PDE11A: variants seen among roughly 807,000 people sequenced by gnomAD.
PDE11A encodes dual 3',5'-cyclic-AMP and -GMP phosphodiesterase 11A.
In PDE11A, 100 loss-of-function variants were observed where a neutral mutation model predicts 100.5. The observed-to-expected ratio is 1.00, with a 90% CI of 0.85 to 1.18. The LOEUF (loss-of-function observed/expected upper bound fraction) is 1.18. Ranked by LOEUF, PDE11A falls within the 50% of genes most tolerant of loss-of-function variation. The pLI is 0.00. For synonymous variants in PDE11A, 381 were observed against 420.8 expected (o/e 0.91, Z 1.16); for missense variants, 1,141 against 1,152.6 (o/e 0.99, Z 0.15).
intron 5 of PDE11A, among the ~76,000 whole-genome samples, chr2:177,841,717 C>G (rs973572674): frequency 3.3e-5 from 5 of 152,160 alleles, no homozygotes; most frequent in African/African-American, 1.2e-4. Context: ...TCCCTTATTG[C>G]ATATTAAACA....
In PDE11A at chr2:178,078,587, C is replaced by T. The variant is rs145077379; in HGVS notation, c.162+25715G>A. Among the ~76,000 whole-genome samples the T allele has an allele frequency of 8.8e-3, 1,338 of 152,056 alleles. 11 individuals are homozygous for T. Among genetic ancestry groups the T allele is most frequent in the Non-Finnish European group, 0.015 (1,035 of 67,984 alleles). On this transcript the variant is annotated intron_variant, in intron 2 of 20. Coordinates refer to the PDE11A transcript ENST00000358450. ...CAGAAAAATGAGCTTCAATGTCATG[C>T]CATAAATGTTTTACATATTTTCTTC...
chr2:177,792,591 T>C (rs964937542), intron 9 of PDE11A, among the ~76,000 whole-genome samples: 2 of 152,122 alleles, frequency 1.3e-5, no homozygotes, highest in African/African-American at 4.8e-5. Context: ...TGGGAGCTCC[T>C]GAAGTAAAAG....
At chr2:177,711,986 G>A in intron 12 of PDE11A, 108 bp from the exon 13 acceptor site, 1 of 670,136 alleles carries the variant, frequency 1.5e-6, no homozygotes, top group South Asian at 1.7e-5. Context: ...ATCATTTAAG[G>A]AGATGATTAA....
At chr2:178,095,408 T>C (rs2087475347) in intron 2 of PDE11A, among the ~76,000 whole-genome samples, 1 of 152,232 alleles carries the variant, frequency 6.6e-6, no homozygotes, top group Non-Finnish European at 1.5e-5. Flanking sequence ...TGGGTCACGC[T>C]GATGCAAGAG....
intron 2 of PDE11A, among the ~76,000 whole-genome samples, chr2:177,935,003 A>G (rs1559013597): frequency 6.6e-6 from 1 of 152,166 alleles, no homozygotes; most frequent in Non-Finnish European, 1.5e-5. Flanking sequence ...GTTGAGTACT[A>G]TGCTCAGTAC....
At chr2:177,810,924 G>A (rs2082940421) in intron 9 of PDE11A, among the ~76,000 whole-genome samples, 1 of 152,064 alleles carries the variant, frequency 6.6e-6, no homozygotes, top group South Asian at 2.1e-4. Flanking sequence ...AAAGAGGCTT[G>A]GATCCTGATA....
At chr2:177,813,958 AAGG>A (rs10534752) in intron 9 of PDE11A, among the ~76,000 whole-genome samples, 60,474 of 151,650 alleles carry the variant, frequency 0.4, 14,850 homozygotes, top group East Asian at 0.6. Flanking sequence ...GAGACAACAC[AAGG>A]AGAAGAGGAA....
At chr2:178,049,309 A>G (rs1337250142) in intron 1 of PDE11A, among the ~76,000 whole-genome samples, 1 of 152,210 alleles carries the variant, frequency 6.6e-6, no homozygotes, top group Non-Finnish European at 1.5e-5. Flanking sequence ...TAGGTGAATA[A>G]AAGAAAGTAA....
chr2:177,709,629 T>C (rs544356823), intron 13 of PDE11A, among the ~76,000 whole-genome samples: 1 of 152,050 alleles, frequency 6.6e-6, no homozygotes, highest in African/African-American at 2.4e-5. Flanking sequence ...GCCTGAAGGA[T>C]CGTGAAGAGT....
intron 2 of PDE11A, among the ~76,000 whole-genome samples, chr2:177,953,434 A>C (rs2085527282): frequency 6.6e-6 from 1 of 152,182 alleles, no homozygotes; most frequent in Non-Finnish European, 1.5e-5. Flanking sequence ...TGAATATCAT[A>C]ATGTTTTAAA....
At chr2:177,966,292 T>C (rs896275088) in intron 2 of PDE11A, among the ~76,000 whole-genome samples, 1 of 152,158 alleles carries the variant, frequency 6.6e-6, no homozygotes, top group Non-Finnish European at 1.5e-5. Context: ...TAAAATCATA[T>C]CATCTGGGAA....
rs149712935 is a variant in PDE11A, at chr2:177,663,361, T to C, written c.2646+505A>G. On this transcript the variant is annotated intron_variant, in intron 19 of 19. Coordinates refer to ENST00000286063, the MANE Select transcript of PDE11A (RefSeq NM_016953.4). ...GGAAGGTGCGTCACAAAACCCCCTG[T>C]ATCAGACCATGGGGTCAGAGCCGAA... Among the ~76,000 whole-genome samples the C allele has an allele frequency of 1.7e-4, 25 of 150,652 alleles. 1 individual carries two copies. The East Asian group carries it at 4.8e-3, about 29-fold the overall frequency.
Position 177,722,619 on chromosome 2 carries a change from A to AT in PDE11A, c.2043+5038_2043+5039insA, listed in dbSNP as rs2081547033. On this transcript the variant is annotated intron_variant, in intron 12 of 19. Coordinates refer to ENST00000286063, the MANE Select transcript of PDE11A (RefSeq NM_016953.4). Reference sequence around the variant, plus strand: ...CTTTTTTAAATGATTAAAAGACAGGAGTCTTAAATGTAATTTAAACACAGT... The same window carrying AT: ...CTTTTTTAAATGATTAAAAGACAGGATGTCTTAAATGTAATTTAAACACAGT... Among the ~76,000 whole-genome samples, 8 of 152,200 alleles carry AT rather than the reference A, an allele frequency of 5.3e-5. No homozygotes were observed. In the South Asian group the frequency reaches 1.7e-3, roughly 31 times the overall value.
chr2:177,642,237 T>C (rs1377670717), intron 19 of PDE11A, among the ~76,000 whole-genome samples: 1 of 152,214 alleles, frequency 6.6e-6, no homozygotes, highest in Non-Finnish European at 1.5e-5. Context: ...GACATGTTCA[T>C]ATGACATAGG....
chr2:177,653,712 G>A (rs1454428126), intron 19 of PDE11A, among the ~76,000 whole-genome samples: 1 of 152,200 alleles, frequency 6.6e-6, no homozygotes, highest in African/African-American at 2.4e-5. Context: ...AGAGATGCAT[G>A]GAACGGACTC....
At chr2:177,748,635 T>TTA (rs201214935) in intron 10 of PDE11A, among the ~76,000 whole-genome samples, 43 of 56,044 alleles carry the variant, frequency 7.7e-4, no homozygotes, top group African/African-American at 1.2e-3. Flanking sequence ...GAGACAGCAG[T>TTA]TTTTTTTTTT....
intron 2 of PDE11A, among the ~76,000 whole-genome samples, chr2:177,981,463 T>C (rs769575902): frequency 1.9e-4 from 29 of 150,566 alleles, no homozygotes; most frequent in Admixed American, 7.3e-4. Flanking sequence ...GCAGCATAAC[T>C]CCAGTCTTCA....
chr2:177,688,333 T>A (rs1321432336), intron 15 of PDE11A: 1 of 152,220 alleles, frequency 6.6e-6, no homozygotes, highest in Non-Finnish European at 1.5e-5. Flanking sequence ...GTAATAATCA[T>A]TACAAAGTAA....
intron 9 of PDE11A, among the ~76,000 whole-genome samples, chr2:177,799,839 T>A (rs2082760965): frequency 6.6e-6 from 1 of 152,198 alleles, no homozygotes; most frequent in African/African-American, 2.4e-5. Context: ...TACTGAATGG[T>A]AGCTGTTTTT....
Sources: allele counts gnomAD v4.1 joint callset (sites outside exome capture counted in the v4.1 genomes callset), GRCh38; gene constraint gnomAD v4.1.1; transcripts MANE v1.5; gene names NCBI Gene and HGNC (gene_info 2026-07-23, HGNC 2026-07-21).